ARHGAP28: variants seen among roughly 807,000 people sequenced by gnomAD.
The protein encoded by ARHGAP28 is rho GTPase-activating protein 28.
ARHGAP28 carries 56 observed loss-of-function variants against 90.7 expected under a neutral mutation model. That is an observed-to-expected ratio of 0.62 (90% CI 0.50 to 0.77). The LOEUF is 0.77. Among genes scored for constraint, ARHGAP28 ranks in the 30% least tolerant of loss-of-function variants. The pLI, the probability that ARHGAP28 is intolerant of heterozygous loss-of-function variation, is 0.00. For synonymous variants in ARHGAP28, 308 were observed against 323.3 expected (o/e 0.95, Z 0.51); for missense variants, 869 against 900.9 (o/e 0.96, Z 0.45).
chr18:6,788,207 A>T (rs1387990909), intron 1 of ARHGAP28, among the ~76,000 whole-genome samples: 6 of 151,630 alleles, frequency 4.0e-5, no homozygotes, highest in Admixed American at 3.9e-4. Flanking sequence ...TTCTCGGGAG[A>T]TCTGGTTGTT....
chr18:6,758,769 AT>A lies in ARHGAP28; in HGVS notation c.122+28833del, dbSNP rs1229635175. On this transcript the variant is annotated intron_variant, in intron 1 of 17. Coordinates refer to ENST00000383472, the MANE Select transcript of ARHGAP28 (RefSeq NM_001366230.1). Reference sequence around the variant, plus strand: ...AAAATAAGGTTTTATGGTATTTATGATTTTTTTCTCTATCTATTCACTTATT... The same window carrying A: ...AAAATAAGGTTTTATGGTATTTATGATTTTTTCTCTATCTATTCACTTATT... Among the ~76,000 whole-genome samples the A allele has an allele frequency of 3.3e-5, 5 of 152,114 alleles. No homozygotes were observed. In the East Asian group the frequency reaches 5.8e-4, roughly 18 times the overall value.
intron 1 of ARHGAP28, among the ~76,000 whole-genome samples, chr18:6,822,985 T>C (rs1352170089): frequency 1.3e-5 from 2 of 152,236 alleles, no homozygotes; most frequent in African/African-American, 4.8e-5. Context: ...GTAATTGTCC[T>C]AAGTCGTCAT....
rs2057408225 is a variant in ARHGAP28 at position 6,913,261 on chromosome 18, A to G, written c.*1107A>G. 6.6e-6 allele frequency: 1 copy of G among 152,232 alleles called. No individual in the cohort carries two copies. Among genetic ancestry groups the G allele is most frequent in the Admixed American group, 6.5e-5 (1 of 15,288 alleles). The allele number at this position is 152,232 out of a possible 1,614,324, so 9.4% of individuals were successfully genotyped here. ...TCAAGAGCCTGCAGAGCCATTTTCC[A>G]GACCTGTGATTGCCCAGAACACATA... On this transcript the variant is annotated 3_prime_UTR_variant, in exon 18 of 18. Transcript: ENST00000383472.
intron 5 of ARHGAP28, among the ~76,000 whole-genome samples, chr18:6,863,786 A>ATTT (rs397962617): frequency 7.0e-6 from 1 of 143,724 alleles, no homozygotes; most frequent in African/African-American, 2.6e-5. Context: ...GCTTTGTTTA[A>ATTT]TTTTTTTTTT....
chr18:6,747,153 G>A (rs1274520294), intron 1 of ARHGAP28, among the ~76,000 whole-genome samples: 1 of 150,584 alleles, frequency 6.6e-6, no homozygotes, highest in Non-Finnish European at 1.5e-5. Context: ...TCAAGACAGA[G>A]TTCCTGTGCT....
At chr18:6,776,516 C>T (rs1298286638) in intron 1 of ARHGAP28, among the ~76,000 whole-genome samples, 1 of 152,104 alleles carries the variant, frequency 6.6e-6, no homozygotes, top group African/African-American at 2.4e-5. Flanking sequence ...GACTGCTGGT[C>T]TCGAGCTCAA....
chr18:6,834,792 T>C (rs1384229353), intron 2 of ARHGAP28, among the ~76,000 whole-genome samples: 2 of 152,092 alleles, frequency 1.3e-5, no homozygotes, highest in East Asian at 3.9e-4. Flanking sequence ...TTGGAGTTGA[T>C]GTGTGAAAGA....
At chr18:6,838,250 A>T (rs1484434562) in intron 3 of ARHGAP28, among the ~76,000 whole-genome samples, 1 of 152,240 alleles carries the variant, frequency 6.6e-6, no homozygotes, top group African/African-American at 2.4e-5. Context: ...GCAATTAGAG[A>T]TAAGTTACCT....
At chr18:6,842,350 G>C (rs1392274461) in intron 3 of ARHGAP28, among the ~76,000 whole-genome samples, 4 of 152,108 alleles carry the variant, frequency 2.6e-5, no homozygotes, top group African/African-American at 4.8e-5. Context: ...CTGGAAGACA[G>C]AATGATAGAT....
chr18:6,739,981 A>C (rs148577823), intron 1 of ARHGAP28, among the ~76,000 whole-genome samples: 8 of 151,852 alleles, frequency 5.3e-5, no homozygotes, highest in African/African-American at 1.9e-4. Flanking sequence ...CAGCCTCCCA[A>C]GTAACTGGGA....
intron 1 of ARHGAP28, among the ~76,000 whole-genome samples, chr18:6,801,519 T>A (rs189642733): frequency 1.3e-5 from 2 of 152,320 alleles, no homozygotes; most frequent in Non-Finnish European, 2.9e-5. Flanking sequence ...AGAAAGCTAA[T>A]CAATTTATAT....
At chr18:6,889,718 AT>A (rs1260122036) in intron 12 of ARHGAP28, among the ~76,000 whole-genome samples, 169 bp from the exon 13 acceptor site, 1 of 152,204 alleles carries the variant, frequency 6.6e-6, no homozygotes, top group Non-Finnish European at 1.5e-5. Context: ...TACTGCTCAC[AT>A]TTCTTCTCAG....
chr18:6,893,827 A>G (rs1314480376), intron 14 of ARHGAP28, among the ~76,000 whole-genome samples: 4 of 151,106 alleles, frequency 2.6e-5, no homozygotes, highest in Non-Finnish European at 5.9e-5. Flanking sequence ...AGACAAAGAA[A>G]TAGTTTTTCT....
At chr18:6,795,089 A>T (rs986863498) in intron 1 of ARHGAP28, among the ~76,000 whole-genome samples, 1 of 152,208 alleles carries the variant, frequency 6.6e-6, no homozygotes, top group Admixed American at 6.5e-5. Flanking sequence ...ATTTTCACAG[A>T]TTATCATTAG....
chr18:6,824,871 A>G lies in ARHGAP28; in HGVS notation c.232A>G (p.Met78Val), dbSNP rs1331889078. 6 of 1,536,216 alleles carry G rather than the reference A, an allele frequency of 3.9e-6. No homozygotes were observed. The highest frequency in any genetic ancestry group is 2.0e-5 in the Admixed American group (1 of 50,966). Residue 78 changes from methionine (M) to valine (V), a missense_variant, in exon 2 of 18, where the codon ATG (methionine) becomes GTG (valine). Coordinates refer to ENST00000383472, the MANE Select transcript of ARHGAP28 (RefSeq NM_001366230.1). The part of the protein sequence containing the change: ...NSEASVDSAS[M>V]EDFWREIESI... The stretch of plus-strand genomic sequence containing the variant: ...AGAAGCCTCCGTAGACAGCGCCTCC[A>G]TGGAGGATTTCTGGCGGGAAATAGA...
Position 6,913,395 on chromosome 18 carries a change from G to T in ARHGAP28, c.*1241G>T, listed in dbSNP as rs772090923. ...GTCCTTCTCAGATTAGCTGGAAATG[G>T]GGACAGAGTTCTCATTTATCCCAGA... is the stretch of plus-strand genomic sequence containing the variant. On this transcript the variant is annotated 3_prime_UTR_variant, in exon 18 of 18. Transcript: ENST00000383472. The T allele has an allele frequency of 7.9e-5, 12 of 152,150 alleles. No homozygotes were observed. The highest frequency in any genetic ancestry group is 1.5e-4 in the Non-Finnish European group (10 of 68,034). The allele number at this position is 152,150 out of a possible 1,614,324, so 9.4% of individuals were successfully genotyped here. A position where few individuals can be genotyped will look rare whatever the true frequency, so the allele number is the denominator to read the frequency against.
rs192011592 is a variant in ARHGAP28, at chr18:6,740,378, C to T, written c.122+10435C>T. Among the ~76,000 whole-genome samples, 63 of 152,224 alleles carry T rather than the reference C, an allele frequency of 4.1e-4. 1 individual carries two copies. Among genetic ancestry groups the T allele is most frequent in the East Asian group, 2.7e-3 (14 of 5,172 alleles). On this transcript the variant is annotated intron_variant, in intron 1 of 17. Transcript: ENST00000383472. The stretch of plus-strand genomic sequence containing the variant: ...TGGAAACTCAGACTCCTGAGCCATC[C>T]CTAGTCTCCTGTAAGCCTGAGTACA...
intron 5 of ARHGAP28, among the ~76,000 whole-genome samples, chr18:6,864,863 T>C (rs1318089581): frequency 6.6e-6 from 1 of 151,948 alleles, no homozygotes; most frequent in Non-Finnish European, 1.5e-5. Flanking sequence ...TTTTTTTTTT[T>C]AAGTAGAGAT....
chr18:6,860,019 C>T (rs985804384), intron 5 of ARHGAP28, 122 bp downstream of exon 5: 2 of 819,768 alleles, frequency 2.4e-6, no homozygotes, highest in Non-Finnish European at 3.9e-6. Flanking sequence ...GCTAAGATTG[C>T]AAGGAAACCA....
Sources: gnomAD v4.1 joint callset for allele counts (sites outside exome capture counted in the v4.1 genomes callset) on GRCh38, gnomAD v4.1.1 for gene constraint, MANE v1.5 for transcripts, NCBI Gene and HGNC (gene_info 2026-07-23, HGNC 2026-07-21) for gene names.